FGF12: variants seen among roughly 807,000 people sequenced by gnomAD.
FGF12 encodes the protein fibroblast growth factor 12B.
FGF12 carries 14 observed loss-of-function variants against 23.6 expected under a neutral mutation model. The observed-to-expected ratio is 0.59, with a 90% CI of 0.39 to 0.93. The LOEUF (loss-of-function observed/expected upper bound fraction) is 0.93, where lower values mean the gene tolerates loss of function less well. Among genes scored for constraint, FGF12 ranks in the 40% least tolerant of loss-of-function variants. The probability of loss-of-function intolerance (pLI) is 0.00; values close to 1 mark genes in which losing one functional copy is unlikely to be tolerated. For synonymous variants in FGF12, 62 were observed against 77.3 expected (o/e 0.80, Z 1.04); for missense variants, 175 against 217.8 (o/e 0.80, Z 1.24).
chr3:192,248,227 A>G (rs1449463261), intron 4 of FGF12, among the ~76,000 whole-genome samples: 2 of 152,234 alleles, frequency 1.3e-5, no homozygotes, highest in African/African-American at 4.8e-5. Flanking sequence ...GAACTTGGAC[A>G]TAGTTAAAGT....
At chr3:192,573,828 G>A (rs1712759507) in intron 2 of FGF12, among the ~76,000 whole-genome samples, 1 of 152,204 alleles carries the variant, frequency 6.6e-6, no homozygotes, top group Admixed American at 6.5e-5. Flanking sequence ...CTGCTGGTGT[G>A]TCAGCAACAT....
rs116315643 is a variant in FGF12, at chr3:192,423,439, C to T, written c.14-62901G>A. 1.3e-3 allele frequency among the ~76,000 whole-genome samples: 199 copies of T among 152,144 alleles called. 1 individual carries two copies. The highest frequency in any genetic ancestry group is 4.7e-3 in the African/African-American group (197 of 41,504). On this transcript the variant is annotated intron_variant, in intron 2 of 5. Coordinates refer to ENST00000445105, the MANE Select transcript of FGF12 (RefSeq NM_004113.6). ...GGTTTTTCATTCTAATGTATAACTG[C>T]TGTTAGCTTATTGAGAGAGCCTGGG...
intron 3 of FGF12, among the ~76,000 whole-genome samples, chr3:192,358,346 T>C (rs1296571944): frequency 6.6e-6 from 1 of 152,116 alleles, no homozygotes; most frequent in Non-Finnish European, 1.5e-5. Context: ...CTAAATGATT[T>C]TAAACACAAT....
chr3:192,360,416 A>G lies in FGF12; in HGVS notation c.124+12T>C. The G allele has an allele frequency of 2.0e-6, 3 of 1,527,808 alleles. No individual in the cohort carries two copies. Among genetic ancestry groups the G allele is most frequent in the Non-Finnish European group, 2.7e-6 (3 of 1,101,472 alleles). 94.6% of individuals were successfully genotyped at this position (1,527,808 alleles called of 1,614,324 possible). A position where few individuals can be genotyped will look rare whatever the true frequency, so the allele number is the denominator to read the frequency against. ...ATTTGTAATCAGATTGTAAGAAGCT[A>G]ATGTTTCTTACTGTAGTCGCTGTTT... is the stretch of plus-strand genomic sequence containing the variant. On this transcript the variant is annotated intron_variant, in intron 3 of 5. Coordinates refer to ENST00000445105, the MANE Select transcript of FGF12 (RefSeq NM_004113.6). The surrounding 1 kb of genome is among the most constrained non-coding windows in gnomAD (Gnocchi z 4.3).
intron 2 of FGF12, among the ~76,000 whole-genome samples, chr3:192,620,987 T>A (rs1714955940): frequency 6.6e-6 from 1 of 152,192 alleles, no homozygotes; most frequent in East Asian, 1.9e-4. Flanking sequence ...TCTAACATAC[T>A]ACTTATATAT....
intron 2 of FGF12, among the ~76,000 whole-genome samples, chr3:192,576,774 C>T (rs114722232): frequency 0.023 from 3,478 of 152,220 alleles, 87 homozygotes; most frequent in African/African-American, 0.059. Flanking sequence ...TATTGCGGCA[C>T]TATTCACAAT....
At chr3:192,222,624 G>A (rs1285798440) in intron 4 of FGF12, among the ~76,000 whole-genome samples, 1 of 152,116 alleles carries the variant, frequency 6.6e-6, no homozygotes, top group East Asian at 1.9e-4. Context: ...GATAATAAGA[G>A]TGTCTGGGAA....
chr3:192,160,008 C>T (rs1478358752), intron 5 of FGF12, among the ~76,000 whole-genome samples: 4 of 151,872 alleles, frequency 2.6e-5, no homozygotes, highest in East Asian at 1.9e-4. Context: ...ACCCATTATT[C>T]GCCCAGTTCA....
chr3:192,217,068 T>C (rs1240192268), intron 4 of FGF12, among the ~76,000 whole-genome samples: 1 of 152,184 alleles, frequency 6.6e-6, no homozygotes, highest in African/African-American at 2.4e-5. Context: ...GTTAAGAACA[T>C]TTGCTTTCAG....
chr3:192,308,875 A>G (rs1715792883), intron 4 of FGF12, among the ~76,000 whole-genome samples: 1 of 152,116 alleles, frequency 6.6e-6, no homozygotes, highest in African/African-American at 2.4e-5. Context: ...ATATAAAAGA[A>G]ATTGTCTTAG....
At chr3:192,284,190 T>C (rs913089104) in intron 4 of FGF12, among the ~76,000 whole-genome samples, 6 of 152,102 alleles carry the variant, frequency 3.9e-5, no homozygotes, top group Non-Finnish European at 7.4e-5. Flanking sequence ...TAGAAAATCA[T>C]TACTCCAAAC....
chr3:192,279,696 A>C (rs1184569788), intron 4 of FGF12, among the ~76,000 whole-genome samples: 1 of 152,204 alleles, frequency 6.6e-6, no homozygotes, highest in Non-Finnish European at 1.5e-5. Context: ...CAGCTGTATC[A>C]TAAACAATAA....
At chr3:192,522,027 T>G (rs1241818674) in intron 2 of FGF12, among the ~76,000 whole-genome samples, 1 of 152,060 alleles carries the variant, frequency 6.6e-6, no homozygotes, top group African/African-American at 2.4e-5. Context: ...TGAAACCCCA[T>G]CTCTACTAAA....
intron 2 of FGF12, among the ~76,000 whole-genome samples, chr3:192,593,868 C>T (rs1393038637): frequency 6.6e-6 from 1 of 151,840 alleles, no homozygotes; most frequent in African/African-American, 2.4e-5. Flanking sequence ...AAAAATTCCT[C>T]TTTTTATAAA....
rs115442909 is a variant in FGF12, at chr3:192,215,334, T to G, written c.229-44678A>C. Among the ~76,000 whole-genome samples, 1,063 of 152,306 alleles carry G rather than the reference T, an allele frequency of 7.0e-3. 8 individuals are homozygous for G. Among genetic ancestry groups the G allele is most frequent in the African/African-American group, 0.025 (1,028 of 41,560 alleles). ...GAAGGGAGAGAGGAGAAATACTTGG[T>G]ACTCATCACCCAGCAATTTAAAGAA... On this transcript the variant is annotated intron_variant, in intron 4 of 5. Coordinates refer to ENST00000445105, the MANE Select transcript of FGF12 (RefSeq NM_004113.6).
rs147915213 is a variant in FGF12, at chr3:192,204,978, A to G, written c.229-34322T>C. On this transcript the variant is annotated intron_variant, in intron 4 of 5. Transcript: ENST00000445105. ...GAAGTATGCACAGCTCTGCTTCATT[A>G]TCTCTGCATTTCTCTTCCTTAGACT... 5.5e-4 allele frequency among the ~76,000 whole-genome samples: 83 copies of G among 152,286 alleles called. 1 individual carries two copies. In the East Asian group the frequency reaches 0.015, roughly 28 times the overall value.
At chr3:192,217,824 TTTTTCTTTTC>T (rs1031986706) in intron 4 of FGF12, among the ~76,000 whole-genome samples, 9 of 151,998 alleles carry the variant, frequency 5.9e-5, no homozygotes, top group African/African-American at 1.7e-4. Flanking sequence ...CACTTTTCTT[TTTTTCTTTTC>T]TTTTCTTTTC....
chr3:192,247,028 G>A (rs1711641476), intron 4 of FGF12, among the ~76,000 whole-genome samples: 1 of 133,334 alleles, frequency 7.5e-6, no homozygotes, highest in Non-Finnish European at 1.6e-5. Context: ...AGGGAGGGAA[G>A]GAAAGAAGGA....
chr3:192,663,384 C>T (rs1716740749), intron 2 of FGF12, among the ~76,000 whole-genome samples: 3 of 152,128 alleles, frequency 2.0e-5, no homozygotes, highest in Admixed American at 6.6e-5. Context: ...GCACCTACTC[C>T]AGAGGGTAGC....
Sources: allele counts gnomAD v4.1 joint callset (sites outside exome capture counted in the v4.1 genomes callset), GRCh38; gene constraint gnomAD v4.1.1; non-coding constraint Gnocchi (gnomAD v3.1); transcripts MANE v1.5; gene names NCBI Gene and HGNC (gene_info 2026-07-23, HGNC 2026-07-21).